Variants in SLC2A9 observed in about 807,000 individuals in gnomAD.
SLC2A9 encodes solute carrier family 2 member 9.
SLC2A9 carries 39 observed loss-of-function variants against 50.6 expected under a neutral mutation model. The ratio of observed to expected loss-of-function variants is 0.77; its 90% confidence interval spans 0.60 to 1.01. The LOEUF (loss-of-function observed/expected upper bound fraction) is 1.01, where lower values mean the gene tolerates loss of function less well. Ranked by LOEUF, SLC2A9 falls within the 50% of genes least tolerant of loss-of-function variation. The pLI, the probability that SLC2A9 is intolerant of heterozygous loss-of-function variation, is 0.00. For missense variants in SLC2A9, 686 were observed against 677.6 expected (o/e 1.01, Z -0.14); for synonymous variants, 324 against 276.9 (o/e 1.17, Z -1.69).
chr4:9,883,156 CAT>C (rs1491378852), intron 10 of SLC2A9, among the ~76,000 whole-genome samples: 7 of 146,766 alleles, frequency 4.8e-5, no homozygotes, highest in African/African-American at 1.0e-4. Context: ...CACACACACA[CAT>C]ACACAGATTT....
rs1354105432 is a variant in SLC2A9, at chr4:9,845,434, T to TTTTTTTTTC, written c.1292-10427_1292-10426insGAAAAAAAA. Among the ~76,000 whole-genome samples the TTTTTTTTTC allele has an allele frequency of 8.3e-5, 11 of 132,238 alleles. 1 individual carries two copies. The highest frequency in any genetic ancestry group is 3.2e-4 in the African/African-American group (10 of 31,590). 86.8% of individuals were successfully genotyped at this position (132,238 alleles called of 152,430 possible). A position where few individuals can be genotyped will look rare whatever the true frequency, so the allele number is the denominator to read the frequency against. On this transcript the variant is annotated intron_variant, in intron 10 of 11. Coordinates refer to ENST00000264784, the MANE Select transcript of SLC2A9 (RefSeq NM_020041.3). ...AACCACGATCATCAATTTCTTTTTT[T>TTTTTTTTTC]TTTTTTTTTTTTTGAGACGGAGTCT... is the stretch of plus-strand genomic sequence containing the variant.
intron 6 of SLC2A9, among the ~76,000 whole-genome samples, chr4:9,932,914 T>C (rs375829217): frequency 1.2e-4 from 18 of 152,234 alleles, no homozygotes; most frequent in Admixed American, 3.9e-4. Flanking sequence ...AAGGACCTCT[T>C]CTGCTAGTCA....
At chr4:9,938,835 T>G (rs1034826301) in intron 6 of SLC2A9, among the ~76,000 whole-genome samples, 1 of 152,092 alleles carries the variant, frequency 6.6e-6, no homozygotes, top group Non-Finnish European at 1.5e-5. Flanking sequence ...AGGCTGGGAT[T>G]CTCCTAAACT....
chr4:9,985,599 C>A, intron 4 of SLC2A9, 70 bp downstream of exon 4: 1 of 1,598,688 alleles, frequency 6.3e-7, no homozygotes, highest in African/African-American at 1.3e-5. Context: ...CAGCCCCAAA[C>A]ACTTCTCACA....
chr4:9,905,833 C>T (rs955809591), intron 8 of SLC2A9, among the ~76,000 whole-genome samples: 22 of 152,078 alleles, frequency 1.4e-4, no homozygotes, highest in Admixed American at 1.1e-3. Context: ...TTTGGGGTGT[C>T]GGTGGCAGGG....
At chr4:9,789,870 T>C (rs890536983) in intron 3 of SLC2A9, among the ~76,000 whole-genome samples, 13 of 152,360 alleles carry the variant, frequency 8.5e-5, no homozygotes, top group African/African-American at 2.9e-4. Context: ...TCTAAGACCA[T>C]TCCTGTCCTG....
At chr4:10,038,333 C>G (rs982350773) in intron 1 of SLC2A9, among the ~76,000 whole-genome samples, 1 of 151,704 alleles carries the variant, frequency 6.6e-6, no homozygotes, top group Non-Finnish European at 1.5e-5. Flanking sequence ...CATGGTGAAA[C>G]CCAGTCTCTA....
intron 6 of SLC2A9, among the ~76,000 whole-genome samples, chr4:9,940,801 ATACTT>A (rs1747978670): frequency 6.6e-6 from 1 of 152,246 alleles, no homozygotes; most frequent in African/African-American, 2.4e-5. Context: ...AACTCAGAAA[ATACTT>A]AGGTAGTGTG....
At chr4:9,804,562 A>T (rs1020324937) in intron 3 of SLC2A9, among the ~76,000 whole-genome samples, 1 of 152,142 alleles carries the variant, frequency 6.6e-6, no homozygotes, top group Non-Finnish European at 1.5e-5. Flanking sequence ...ATGCCAGGCA[A>T]GTTACCTGCC....
chr4:10,010,335 G>A lies in SLC2A9; in HGVS notation c.249+8640C>T, dbSNP rs115787217. ...CTCTTCTTGTGGCTTATTCTGATTC[G>A]TATCCTTTTTGCTATAATAAAGCTG... On this transcript the variant is annotated intron_variant, in intron 2 of 11. Transcript: ENST00000264784. Among the ~76,000 whole-genome samples the A allele has an allele frequency of 5.2e-3, 794 of 152,248 alleles. 7 individuals are homozygous for A. Among genetic ancestry groups the A allele is most frequent in the Middle Eastern group, 0.02 (6 of 294 alleles).
At chr4:9,854,983 A>G (rs1437798728) in intron 10 of SLC2A9, among the ~76,000 whole-genome samples, 1 of 152,218 alleles carries the variant, frequency 6.6e-6, no homozygotes, top group African/African-American at 2.4e-5. Context: ...GCCATCTATG[A>G]CAGACCCAGA....
chr4:9,947,173 A>G (rs981326253), intron 5 of SLC2A9, among the ~76,000 whole-genome samples: 8 of 152,204 alleles, frequency 5.3e-5, no homozygotes, highest in Non-Finnish European at 1.0e-4. Flanking sequence ...ATGGATGTGT[A>G]AAACTGATAT....
chr4:9,861,509 A>G (rs1173217853), intron 10 of SLC2A9, among the ~76,000 whole-genome samples: 1 of 152,058 alleles, frequency 6.6e-6, no homozygotes, highest in African/African-American at 2.4e-5. Flanking sequence ...ATATAATTAC[A>G]TTATATTTTC....
chr4:9,957,058 G>A (rs1222217378), intron 5 of SLC2A9, among the ~76,000 whole-genome samples: 3 of 152,066 alleles, frequency 2.0e-5, no homozygotes, highest in Non-Finnish European at 4.4e-5. Context: ...GGTGAGGGTG[G>A]GAATGAAAAC....
intron 5 of SLC2A9, 61 bp from the exon 6 acceptor site, chr4:9,942,106 G>A (rs984582205): frequency 4.8e-5 from 77 of 1,607,064 alleles, no homozygotes; most frequent in Non-Finnish European, 6.3e-5. Flanking sequence ...AGGGGACTGG[G>A]CCACTGGACC....
At chr4:9,919,899 C>A (rs1218038457) in intron 7 of SLC2A9, among the ~76,000 whole-genome samples, 1 of 152,164 alleles carries the variant, frequency 6.6e-6, no homozygotes, top group Admixed American at 6.5e-5. Flanking sequence ...TGGGGAACCT[C>A]ATGGAGAGAC....
chr4:10,022,602 G>A (rs928773746), upstream of SLC2A9, among the ~76,000 whole-genome samples: 5 of 152,250 alleles, frequency 3.3e-5, no homozygotes, highest in Non-Finnish European at 5.9e-5. Flanking sequence ...TGCAGAGTCT[G>A]GGCCAGAGCC....
chr4:9,999,185 C>T (rs1759322012), intron 2 of SLC2A9, among the ~76,000 whole-genome samples: 1 of 151,312 alleles, frequency 6.6e-6, no homozygotes, highest in Non-Finnish European at 1.5e-5. Flanking sequence ...GTAGCTGAGA[C>T]AGACGACTAC....
intron 10 of SLC2A9, among the ~76,000 whole-genome samples, chr4:9,839,137 A>G (rs1727589167): frequency 6.6e-6 from 1 of 152,182 alleles, no homozygotes; most frequent in Non-Finnish European, 1.5e-5. Context: ...TGAAACTTAA[A>G]CAAATTTACA....
Sources: gnomAD v4.1 joint callset for allele counts (sites outside exome capture counted in the v4.1 genomes callset) on GRCh38, gnomAD v4.1.1 for gene constraint, MANE v1.5 for transcripts, NCBI Gene and HGNC (gene_info 2026-07-23, HGNC 2026-07-21) for gene names.